Variants in ENOX1 observed in about 807,000 individuals in gnomAD.
The protein encoded by ENOX1 is candidate growth-related and time keeping constitutive hydroquinone (NADH) oxidase.
Under a neutral mutation model 82.5 loss-of-function variants are expected in ENOX1, and 42 were observed. That is an observed-to-expected ratio of 0.51 (90% confidence interval 0.40 to 0.66). The LOEUF is 0.66. Ranked by LOEUF, ENOX1 falls within the 30% of genes least tolerant of loss-of-function variation. The probability of loss-of-function intolerance (pLI) is 0.00; values close to 1 mark genes in which losing one functional copy is unlikely to be tolerated. For missense variants in ENOX1, 608 were observed against 811.6 expected (o/e 0.75, Z 3.05); for synonymous variants, 271 against 282.2 (o/e 0.96, Z 0.40).
chr13:43,717,908 A>C (rs553250262), intron 1 of ENOX1, among the ~76,000 whole-genome samples: 1 of 152,324 alleles, frequency 6.6e-6, no homozygotes, highest in Non-Finnish European at 1.5e-5. Context: ...GCTGCAGAGA[A>C]AAGGAATCAC....
intron 2 of ENOX1, among the ~76,000 whole-genome samples, chr13:43,526,660 C>A (rs1038890046): frequency 2.0e-5 from 3 of 152,050 alleles, no homozygotes; most frequent in Admixed American, 6.6e-5. Flanking sequence ...CTGAAAGATA[C>A]CACAGTTGAG....
intron 2 of ENOX1, among the ~76,000 whole-genome samples, chr13:43,552,740 A>C (rs963166932): frequency 5.9e-5 from 9 of 152,138 alleles, no homozygotes; most frequent in Non-Finnish European, 1.2e-4. Flanking sequence ...GAACTACCTA[A>C]CCTTGTAGTC....
chr13:43,286,028 C>A (rs1049367676), intron 12 of ENOX1, among the ~76,000 whole-genome samples: 1 of 152,100 alleles, frequency 6.6e-6, no homozygotes, highest in Non-Finnish European at 1.5e-5. Flanking sequence ...CCCCCAACTG[C>A]GGCCGGAGTT....
chr13:43,266,861 A>C (rs1038764673), intron 13 of ENOX1, among the ~76,000 whole-genome samples: 17 of 152,176 alleles, frequency 1.1e-4, no homozygotes, highest in Admixed American at 9.2e-4. Flanking sequence ...GGGTTAGCTC[A>C]GAAGGTCTTG....
intron 8 of ENOX1, among the ~76,000 whole-genome samples, chr13:43,352,073 C>T (rs544939822): frequency 1.3e-4 from 20 of 152,318 alleles, no homozygotes; most frequent in African/African-American, 4.6e-4. Context: ...TAAATACTGA[C>T]AACCATCTCA....
At chr13:43,398,715 A>G (rs909331448) in intron 5 of ENOX1, among the ~76,000 whole-genome samples, 6 of 151,254 alleles carry the variant, frequency 4.0e-5, no homozygotes, top group Non-Finnish European at 7.4e-5. Flanking sequence ...AGCCTACCCA[A>G]CGTGAAGACG....
At chr13:43,561,973 A>AAGGAAGGAAGGAAGAGAGAG (rs1395595305) in intron 2 of ENOX1, among the ~76,000 whole-genome samples, 2 of 141,612 alleles carry the variant, frequency 1.4e-5, no homozygotes, top group African/African-American at 5.1e-5. Flanking sequence ...TGTCAAAAAA[A>AAGGAAGGAAGGAAGAGAGAG]AGGAAGGAAG....
At chr13:43,417,248 A>ACGGGAGACGGGAGAC (rs150224931) in intron 3 of ENOX1, among the ~76,000 whole-genome samples, 3 of 94,924 alleles carry the variant, frequency 3.2e-5, no homozygotes, top group African/African-American at 5.1e-5. Context: ...GAGACGGGAG[A>ACGGGAGACGGGAGAC]GGGAGAGGGA....
chr13:43,247,230 T>C (rs575590785), intron 14 of ENOX1, among the ~76,000 whole-genome samples: 26 of 152,152 alleles, frequency 1.7e-4, no homozygotes, highest in Non-Finnish European at 2.9e-4. Flanking sequence ...GCAGAACTGA[T>C]TGAACCCAGG....
intron 2 of ENOX1, among the ~76,000 whole-genome samples, chr13:43,595,393 AC>A (rs1159068059): frequency 1.3e-5 from 2 of 152,070 alleles, no homozygotes; most frequent in African/African-American, 4.8e-5. Context: ...CAGCAGAAAA[AC>A]ATACCAATGA....
At position 43,470,378 on chromosome 13, in the gene ENOX1, A is replaced by ACATATATATGTATATATATGTG. The variant is rs1566308238; in HGVS notation, c.-75+13630_-75+13631insCACATATATATACATATATATG. On this transcript the variant is annotated intron_variant, in intron 3 of 16. Coordinates refer to ENST00000690772, the MANE Select transcript of ENOX1 (RefSeq NM_001347969.2). ...TGTATATATATACGTATATATATAC[A>ACATATATATGTATATATATGTG]TATATATACGTATATATATGTGTAT... 5.3e-4 allele frequency among the ~76,000 whole-genome samples: 19 copies of ACATATATATGTATATATATGTG among 35,700 alleles called. 4 individuals are homozygous for ACATATATATGTATATATATGTG. Among genetic ancestry groups the ACATATATATGTATATATATGTG allele is most frequent in the Admixed American group, 2.2e-4 (1 of 4,478 alleles). 23.4% of individuals were successfully genotyped at this position (35,700 alleles called of 152,430 possible). A position where few individuals can be genotyped will look rare whatever the true frequency, so the allele number is the denominator to read the frequency against.
chr13:43,240,573 A>C (rs553818652), intron 14 of ENOX1, among the ~76,000 whole-genome samples: 2 of 152,352 alleles, frequency 1.3e-5, no homozygotes, highest in African/African-American at 4.8e-5. Flanking sequence ...GGAACTAAAA[A>C]AAAAAATCTG....
chr13:43,634,251 G>A (rs1365563457), intron 2 of ENOX1, among the ~76,000 whole-genome samples: 2 of 152,116 alleles, frequency 1.3e-5, no homozygotes, highest in African/African-American at 4.8e-5. Flanking sequence ...CTGGGCTGAG[G>A]TGTATTATTT....
intron 1 of ENOX1, among the ~76,000 whole-genome samples, chr13:43,691,382 G>A (rs1228337192): frequency 3.3e-5 from 5 of 150,570 alleles, no homozygotes; most frequent in Non-Finnish European, 5.9e-5. Flanking sequence ...CATCCTACTC[G>A]TCTTCCATGA....
intron 15 of ENOX1, among the ~76,000 whole-genome samples, chr13:43,226,409 A>C (rs1242328762): frequency 6.6e-6 from 1 of 152,208 alleles, no homozygotes; most frequent in Non-Finnish European, 1.5e-5. Flanking sequence ...TCAGACGTTT[A>C]TCATTTCTTT....
intron 3 of ENOX1, among the ~76,000 whole-genome samples, chr13:43,441,562 T>C (rs1482210891): frequency 6.6e-6 from 1 of 152,168 alleles, no homozygotes; most frequent in Non-Finnish European, 1.5e-5. Context: ...AGGCTAGAAA[T>C]GACCAGGCTG....
intron 5 of ENOX1, among the ~76,000 whole-genome samples, chr13:43,383,352 A>G (rs1161652559): frequency 6.6e-6 from 1 of 152,216 alleles, no homozygotes; most frequent in Non-Finnish European, 1.5e-5. Context: ...AGATGGCTCA[A>G]CTTCACGGTA....
intron 2 of ENOX1, among the ~76,000 whole-genome samples, chr13:43,608,734 A>G (rs552448521): frequency 6.6e-6 from 1 of 152,240 alleles, no homozygotes; most frequent in African/African-American, 2.4e-5. Flanking sequence ...CTCCCATCCT[A>G]TATATGAACC....
At chr13:43,776,951 T>G (rs906387256) in intron 1 of ENOX1, among the ~76,000 whole-genome samples, 2 of 152,034 alleles carry the variant, frequency 1.3e-5, no homozygotes, top group Non-Finnish European at 2.9e-5. Flanking sequence ...GAGCCCTTCA[T>G]ATACAGAGAG....
Sources: gnomAD v4.1 joint callset for allele counts (sites outside exome capture counted in the v4.1 genomes callset) on GRCh38, gnomAD v4.1.1 for gene constraint, MANE v1.5 for transcripts, NCBI Gene and HGNC (gene_info 2026-07-23, HGNC 2026-07-21) for gene names.